Variants in ATXN1 observed in about 807,000 individuals in gnomAD.
The protein encoded by ATXN1 is ataxin-1.
In ATXN1, 8 loss-of-function variants were observed where a neutral mutation model predicts 56.4. That is an observed-to-expected ratio of 0.14 (90% confidence interval 0.08 to 0.26). ATXN1 has a LOEUF of 0.26. Among genes scored for constraint, ATXN1 ranks in the 10% least tolerant of loss-of-function variants. The pLI, the probability that ATXN1 is intolerant of heterozygous loss-of-function variation, is 1.00. For missense variants in ATXN1, 987 were observed against 1,106.5 expected (o/e 0.89, Z 1.53); for synonymous variants, 514 against 494.6 (o/e 1.04, Z -0.52).
In ATXN1 at chr6:16,684,699, G is replaced by A. The variant is rs546080335; in HGVS notation, c.-614-26798C>T. Among the ~76,000 whole-genome samples the A allele has an allele frequency of 3.9e-4, 60 of 152,226 alleles. 1 individual carries two copies. Among genetic ancestry groups the A allele is most frequent in the Non-Finnish European group, 6.9e-4 (47 of 68,018 alleles). On this transcript the variant is annotated intron_variant, in intron 2 of 7. Transcript: ENST00000436367. Reference sequence around the variant, plus strand: ...TGCATTTACTTTCTGAGCATTTAGCGTTCAGTAAAACCTCAATCATTTACT... The same window carrying A: ...TGCATTTACTTTCTGAGCATTTAGCATTCAGTAAAACCTCAATCATTTACT...
intron 4 of ATXN1, among the ~76,000 whole-genome samples, chr6:16,538,614 G>A (rs1344563611): frequency 7.4e-6 from 1 of 135,784 alleles, no homozygotes; most frequent in African/African-American, 2.8e-5. Context: ...CCCGGTGTGT[G>A]ATGTTCCCCT....
At chr6:16,569,262 T>C (rs1762287107) in intron 4 of ATXN1, among the ~76,000 whole-genome samples, 1 of 152,138 alleles carries the variant, frequency 6.6e-6, no homozygotes, top group South Asian at 2.1e-4. Flanking sequence ...CTCACGCCTG[T>C]AATCCCAGCA....
Position 16,506,514 on chromosome 6 carries a change from A to G in ATXN1, c.-299+16113T>C, listed in dbSNP as rs1760984066. Among the ~76,000 whole-genome samples the G allele has an allele frequency of 6.6e-6, 1 of 152,156 alleles. No homozygotes were observed. The highest frequency in any genetic ancestry group is 6.5e-5 in the Admixed American group (1 of 15,276). On this transcript the variant is annotated intron_variant, in intron 5 of 7. Coordinates refer to ENST00000436367, the MANE Select transcript of ATXN1 (RefSeq NM_001128164.2). The surrounding 1 kb of genome is among the most constrained non-coding windows in gnomAD (Gnocchi z 4.1). ...GTTTTAATTTTTCTCCTCACTCCCTATGTAATTGGTGGCCAGGATATTGAA... is the reference window on the plus strand; with the variant it reads ...GTTTTAATTTTTCTCCTCACTCCCTGTGTAATTGGTGGCCAGGATATTGAA...
intron 3 of ATXN1, among the ~76,000 whole-genome samples, chr6:16,608,554 G>T (rs765661188): frequency 6.6e-6 from 1 of 152,214 alleles, no homozygotes; most frequent in Non-Finnish European, 1.5e-5. Context: ...GATCACAAAA[G>T]CTTCTGGGGA....
At chr6:16,548,630 A>T (rs896098016) in intron 4 of ATXN1, among the ~76,000 whole-genome samples, 24 of 151,574 alleles carry the variant, frequency 1.6e-4, no homozygotes, top group South Asian at 6.2e-4. Context: ...TTTTTTTTTT[A>T]AAACAATACT....
intron 6 of ATXN1, among the ~76,000 whole-genome samples, chr6:16,371,207 TACTC>T (rs916737266): frequency 7.9e-5 from 12 of 152,294 alleles, no homozygotes; most frequent in Admixed American, 7.2e-4. Flanking sequence ...GGTTTAAAAA[TACTC>T]ACTACACACA....
intron 4 of ATXN1, among the ~76,000 whole-genome samples, chr6:16,577,541 A>AT (rs1762447150): frequency 6.6e-6 from 1 of 150,656 alleles, no homozygotes; most frequent in Non-Finnish European, 1.5e-5. Context: ...AAAAAAAAAA[A>AT]GGAAAAAAAA....
intron 6 of ATXN1, among the ~76,000 whole-genome samples, chr6:16,345,746 T>C (rs1218230147): frequency 6.6e-6 from 1 of 152,066 alleles, no homozygotes; most frequent in African/African-American, 2.4e-5. Flanking sequence ...AGATGGACAA[T>C]GGGATGACTC....
chr6:16,637,572 T>A (rs897553297), intron 3 of ATXN1, among the ~76,000 whole-genome samples: 1 of 152,074 alleles, frequency 6.6e-6, no homozygotes, highest in Non-Finnish European at 1.5e-5. Context: ...TCAACAGCTG[T>A]TTCTCCAATT....
At chr6:16,683,918 C>T (rs61623707) in intron 2 of ATXN1, among the ~76,000 whole-genome samples, 1,552 of 152,294 alleles carry the variant, frequency 0.01, 23 homozygotes, top group African/African-American at 0.035. Context: ...GCTGTCAGTG[C>T]CTCCAGCAGT....
At chr6:16,390,395 T>C (rs537300289) in intron 6 of ATXN1, among the ~76,000 whole-genome samples, 9 of 152,244 alleles carry the variant, frequency 5.9e-5, no homozygotes, top group Admixed American at 2.6e-4. Flanking sequence ...TGCAAGCATC[T>C]TTCTCTCATA....
At chr6:16,607,088 A>ATGTTGGTCAGCCTG (rs11272204) in intron 3 of ATXN1, among the ~76,000 whole-genome samples, 3 of 151,814 alleles carry the variant, frequency 2.0e-5, no homozygotes, top group African/African-American at 7.3e-5. Context: ...GGGTTTCACC[A>ATGTTGGTCAGCCTG]GTTTAAAACT....
At chr6:16,661,659 C>T (rs1456743356) in intron 2 of ATXN1, among the ~76,000 whole-genome samples, 1 of 152,140 alleles carries the variant, frequency 6.6e-6, no homozygotes, top group Non-Finnish European at 1.5e-5. Context: ...ATTTCCAAGA[C>T]TGGGTTACAT....
At chr6:16,358,676 G>A (rs1480116767) in intron 6 of ATXN1, among the ~76,000 whole-genome samples, 10 of 152,194 alleles carry the variant, frequency 6.6e-5, no homozygotes, top group African/African-American at 1.4e-4. Flanking sequence ...GGAGCTCCGC[G>A]TGCCACTGCA....
At chr6:16,495,757 C>T (rs983225313) in intron 5 of ATXN1, among the ~76,000 whole-genome samples, 5 of 151,428 alleles carry the variant, frequency 3.3e-5, no homozygotes, top group Non-Finnish European at 5.9e-5. Flanking sequence ...CAGCTACTCA[C>T]GAGGCTGAGG....
At chr6:16,422,704 G>A (rs74749190) in intron 6 of ATXN1, among the ~76,000 whole-genome samples, 1,993 of 152,288 alleles carry the variant, frequency 0.013, 20 homozygotes, top group Non-Finnish European at 0.02. Flanking sequence ...TAAAGATTCA[G>A]TGAAGAATCC....
At chr6:16,588,175 C>T (rs185637524) in intron 3 of ATXN1, among the ~76,000 whole-genome samples, 2 of 152,252 alleles carry the variant, frequency 1.3e-5, no homozygotes, top group East Asian at 1.9e-4. Context: ...ACTCCCTCCG[C>T]TCCTCTCCGG....
intron 3 of ATXN1, among the ~76,000 whole-genome samples, chr6:16,596,143 C>T (rs1018057943): frequency 1.3e-5 from 2 of 152,144 alleles, no homozygotes; most frequent in Non-Finnish European, 2.9e-5. Flanking sequence ...ACTACAGATG[C>T]ACGCCTCCAT....
At chr6:16,602,243 C>T (rs1037113621) in intron 3 of ATXN1, among the ~76,000 whole-genome samples, 3 of 152,032 alleles carry the variant, frequency 2.0e-5, no homozygotes, top group African/African-American at 4.8e-5. Flanking sequence ...GTTTCTACTC[C>T]GTAATTCTTT....
Sources: allele counts gnomAD v4.1 joint callset (sites outside exome capture counted in the v4.1 genomes callset), GRCh38; gene constraint gnomAD v4.1.1; non-coding constraint Gnocchi (gnomAD v3.1); transcripts MANE v1.5; gene names NCBI Gene and HGNC (gene_info 2026-07-23, HGNC 2026-07-21).